PRIM1: variants seen among roughly 807,000 people sequenced by gnomAD.
PRIM1 encodes the protein DNA primase subunit 1, also known as DNA primase small subunit.
A neutral mutation model predicts 60.2 loss-of-function variants in PRIM1; 38 were observed. That is an observed-to-expected ratio of 0.63 (90% CI 0.49 to 0.83). PRIM1 has a LOEUF of 0.83. Among genes scored for constraint, PRIM1 ranks in the 40% least tolerant of loss-of-function variants. PRIM1 has a pLI of 0.00. For synonymous variants in PRIM1, 158 were observed against 160.2 expected, an observed-to-expected ratio of 0.99 and a Z score of 0.10; for missense variants, 388 against 506.2, an observed-to-expected ratio of 0.77 and a Z score of 2.24.
intron 9 of PRIM1, among the ~76,000 whole-genome samples, chr12:56,740,811 C>CTTTCTTTT (rs1384865007): frequency 6.6e-6 from 1 of 151,838 alleles, no homozygotes; most frequent in African/African-American, 2.4e-5. Context: ...CATTTCATTT[C>CTTTCTTTT]TTTCTTTTTT....
At position 56,735,175 on chromosome 12, in the gene PRIM1, G is replaced by C. The variant is rs891053510; in HGVS notation, c.1145-930C>G. On this transcript the variant is annotated intron_variant, in intron 11 of 12. Coordinates refer to ENST00000338193, the MANE Select transcript of PRIM1 (RefSeq NM_000946.3). ...GTATGCAGTGGTGCAATCTTGGCTCGGGAACCTCCGCCTCCCGAGTTCAAG... is the reference window on the plus strand; with the variant it reads ...GTATGCAGTGGTGCAATCTTGGCTCCGGAACCTCCGCCTCCCGAGTTCAAG... Among the ~76,000 whole-genome samples the C allele has an allele frequency of 4.0e-5, 6 of 148,658 alleles. No individual in the cohort carries two copies. In the East Asian group the frequency reaches 1.2e-3, roughly 30 times the overall value.
intron 1 of PRIM1, chr12:56,751,407 G>A: frequency 2.8e-6 from 1 of 354,072 alleles, no homozygotes; most frequent in Non-Finnish European, 5.1e-6. Context: ...AGCCTCCCGA[G>A]GCTGTAGCTG....
Position 56,731,620 on chromosome 12 carries a change from T to A in PRIM1, c.*95A>T, listed in dbSNP as rs578260264. ...AATTTACTTTGAGGTTTAAGACACATATATAGTTCTGCCATATTTATTAAA... is the reference window on the plus strand; with the variant it reads ...AATTTACTTTGAGGTTTAAGACACAAATATAGTTCTGCCATATTTATTAAA... On this transcript the variant is annotated 3_prime_UTR_variant, in exon 13 of 13. Transcript: ENST00000338193. The A allele has an allele frequency of 8.6e-7, 1 of 1,158,138 alleles. No homozygotes were observed. The highest frequency in any genetic ancestry group is 2.7e-5 in the Admixed American group (1 of 36,966). 71.7% of individuals were successfully genotyped at this position (1,158,138 alleles called of 1,614,324 possible).
chr12:56,743,211 C>G, intron 6 of PRIM1, 115 bp from the exon 7 acceptor site: 1 of 1,229,530 alleles, frequency 8.1e-7, no homozygotes, highest in African/African-American at 1.6e-5. Flanking sequence ...ATTTTCAGAA[C>G]TTAACTAGGT....
At chr12:56,750,558 G>A (rs1385576298) in intron 2 of PRIM1, among the ~76,000 whole-genome samples, 5 of 151,364 alleles carry the variant, frequency 3.3e-5, no homozygotes, top group African/African-American at 1.2e-4. Context: ...TAACTTCCAT[G>A]GTGGAAGAGA....
chr12:56,745,747 T>C (rs1241573281), intron 5 of PRIM1, among the ~76,000 whole-genome samples: 1 of 152,046 alleles, frequency 6.6e-6, no homozygotes, highest in Admixed American at 6.6e-5. Flanking sequence ...TAGGCCAGCC[T>C]GGCCAACATG....
At position 56,747,040 on chromosome 12, in the gene PRIM1, T is replaced by C. The variant is rs1592335371; in HGVS notation, c.262-8A>G. On this transcript the variant is annotated splice_region_variant and splice_polypyrimidine_tract_variant and intron_variant, in intron 2 of 12. Transcript: ENST00000338193. ...TGTATTGTGTTGATTGGGCTACAGA[T>C]ACAAAATATTGATCAGTTTCTATAA... 6.9e-6 allele frequency: 11 copies of C among 1,594,910 alleles called. No individual in the cohort carries two copies. The highest frequency in any genetic ancestry group is 1.7e-4 in the Middle Eastern group (1 of 6,022).
At chr12:56,744,472 G>A (rs1174976473) in intron 5 of PRIM1, among the ~76,000 whole-genome samples, 1 of 151,606 alleles carries the variant, frequency 6.6e-6, no homozygotes, top group African/African-American at 2.4e-5. Context: ...TAGCCAGGGT[G>A]ACAAGAGCGA....
Position 56,741,942 on chromosome 12 carries a change from T to TTA in PRIM1, c.749-107_749-106dup, listed in dbSNP as rs1420500884. On this transcript the variant is annotated intron_variant, in intron 7 of 12. Transcript: ENST00000338193. ...TGTCTTACAAATATTCAGAAAGTAG[T>TTA]TATTAACATTTCTTGAAATATAAAT... 4.7e-6 allele frequency: 5 copies of TTA among 1,069,918 alleles called. No individual in the cohort carries two copies. The African/African-American group carries it at 7.8e-5, about 17-fold the overall frequency. 66.3% of individuals were successfully genotyped at this position (1,069,918 alleles called of 1,614,324 possible). A position where few individuals can be genotyped will look rare whatever the true frequency, so the allele number is the denominator to read the frequency against.
chr12:56,742,699 T>C (rs1418991790), intron 7 of PRIM1, among the ~76,000 whole-genome samples: 1 of 152,196 alleles, frequency 6.6e-6, no homozygotes. Flanking sequence ...TAAGGTATGA[T>C]GTAAAGTTTT....
At position 56,747,036 on chromosome 12, in the gene PRIM1, C is replaced by A; in HGVS notation, c.262-4G>T. 6.2e-7 allele frequency: 1 copy of A among 1,600,560 alleles called. No individual in the cohort carries two copies. Among genetic ancestry groups the A allele is most frequent in the South Asian group, 1.1e-5 (1 of 90,148 alleles). Reference sequence around the variant, plus strand: ...TCACTGTATTGTGTTGATTGGGCTACAGATACAAAATATTGATCAGTTTCT... The same window carrying A: ...TCACTGTATTGTGTTGATTGGGCTAAAGATACAAAATATTGATCAGTTTCT... On this transcript the variant is annotated splice_region_variant and splice_polypyrimidine_tract_variant and intron_variant, in intron 2 of 12. Transcript: ENST00000338193.
Position 56,750,789 on chromosome 12 carries a change from T to A in PRIM1, c.261+249A>T, listed in dbSNP as rs532320612. ...CCTTTCCTAAATCATGTCGACTTCC[T>A]CTTCCTAGTAGCTAGATACTCAATT... On this transcript the variant is annotated intron_variant, in intron 2 of 12. Coordinates refer to ENST00000338193, the MANE Select transcript of PRIM1 (RefSeq NM_000946.3). 1.5e-4 allele frequency among the ~76,000 whole-genome samples: 23 copies of A among 152,286 alleles called. No individual in the cohort carries two copies. In the South Asian group the frequency reaches 2.1e-3, roughly 14 times the overall value.
rs771414615 is a variant in PRIM1 at position 56,731,746 on chromosome 12, T to C, written c.1244-12A>G. The C allele has an allele frequency of 2.0e-6, 3 of 1,490,390 alleles. No homozygotes were observed. Among genetic ancestry groups the C allele is most frequent in the African/African-American group, 1.4e-5 (1 of 71,086 alleles). The allele number at this position is 1,490,390 out of a possible 1,614,324, so 92.3% of individuals were successfully genotyped here. ...ATCTTTTTGTAAATCTAAAATAGAA[T>C]AGATAATATATGGAAGAACAGCAAA... On this transcript the variant is annotated splice_polypyrimidine_tract_variant and intron_variant, in intron 12 of 12. Transcript: ENST00000338193.
rs192188892 is a variant in PRIM1 at position 56,744,423 on chromosome 12, G to A, written c.580-300C>T. Among the ~76,000 whole-genome samples, 143 of 152,052 alleles carry A rather than the reference G, an allele frequency of 9.4e-4. 2 individuals carry two copies. Among genetic ancestry groups the A allele is most frequent in the Admixed American group, 8.5e-3 (130 of 15,268 alleles). ...CAGGAGAGTCGCTTGAACTCGGGAG[G>A]CAGAGGTTGCAGTGAGCCGAGATCG... On this transcript the variant is annotated intron_variant, in intron 5 of 12. Transcript: ENST00000338193.
At chr12:56,745,614 G>A (rs1953900534) in intron 5 of PRIM1, among the ~76,000 whole-genome samples, 1 of 152,062 alleles carries the variant, frequency 6.6e-6, no homozygotes, top group African/African-American at 2.4e-5. Flanking sequence ...CTATTGGTAA[G>A]ATCATTTACT....
rs557048096 is a variant in PRIM1 at position 56,748,829 on chromosome 12, C to T, written c.262-1797G>A. ...AAAATTAGACAAGTGTGGTGGTATG[C>T]GCCTATAATCCCAGCTACCCGGGAA... On this transcript the variant is annotated intron_variant, in intron 2 of 12. Coordinates refer to ENST00000338193, the MANE Select transcript of PRIM1 (RefSeq NM_000946.3). Among the ~76,000 whole-genome samples the T allele has an allele frequency of 2.0e-4, 30 of 151,936 alleles. 1 individual carries two copies. Among genetic ancestry groups the T allele is most frequent in the African/African-American group, 4.6e-4 (19 of 41,470 alleles).
At chr12:56,746,732 G>A (rs1183418146) in intron 4 of PRIM1, 49 bp downstream of exon 4, 1 of 1,544,784 alleles carries the variant, frequency 6.5e-7, no homozygotes, top group Non-Finnish European at 8.9e-7. Flanking sequence ...GTAGTCAGAG[G>A]AAAACCGATT....
intron 11 of PRIM1, 48 bp from the exon 12 acceptor site, chr12:56,734,293 A>G: frequency 8.2e-7 from 1 of 1,213,784 alleles, no homozygotes; most frequent in Non-Finnish European, 1.2e-6. Flanking sequence ...GGCAGCAAGA[A>G]TAACATGAAA....
At chr12:56,745,271 C>T (rs755404105) in intron 5 of PRIM1, among the ~76,000 whole-genome samples, 1 of 151,778 alleles carries the variant, frequency 6.6e-6, no homozygotes, top group Non-Finnish European at 1.5e-5. Context: ...ATTGGCTGGG[C>T]GTGGTGGCGC....
Sources: allele counts gnomAD v4.1 joint callset (sites outside exome capture counted in the v4.1 genomes callset), GRCh38; gene constraint gnomAD v4.1.1; transcripts MANE v1.5; gene names NCBI Gene and HGNC (gene_info 2026-07-23, HGNC 2026-07-21).